Variants in ATP5F1B observed in about 807,000 individuals in gnomAD.
ATP5F1B encodes ATP synthase F(1) complex subunit beta, mitochondrial.
A neutral mutation model predicts 45.9 loss-of-function variants in ATP5F1B; 17 were observed. The observed-to-expected ratio is 0.37, with a 90% confidence interval of 0.25 to 0.56. ATP5F1B has a LOEUF of 0.56. ATP5F1B is among the 20% of genes least tolerant of loss of function. ATP5F1B has a pLI of 0.80. For synonymous variants in ATP5F1B, 218 were observed against 256.5 expected, an observed-to-expected ratio of 0.85 and a Z score of 1.43; for missense variants, 387 against 673.2, an observed-to-expected ratio of 0.57 and a Z score of 4.70.
At position 56,645,484 on chromosome 12, in the gene ATP5F1B, G is replaced by A. The variant is rs1951542569; in HGVS notation, c.128-131C>T. ...CTCTTTCCGCTTGTACGGAACGCGTGTCCAAGAGGGAAGGCCGCGCAGCGA... is the reference window on the plus strand; with the variant it reads ...CTCTTTCCGCTTGTACGGAACGCGTATCCAAGAGGGAAGGCCGCGCAGCGA... On this transcript the variant is annotated intron_variant, in intron 1 of 9. Transcript: ENST00000262030. 4 of 1,097,832 alleles carry A rather than the reference G, an allele frequency of 3.6e-6. No individual in the cohort carries two copies. In the South Asian group the frequency reaches 4.9e-5, roughly 13 times the overall value. The allele number at this position is 1,097,832 out of a possible 1,614,324, so 68.0% of individuals were successfully genotyped here.
chr12:56,642,600 T>C lies in ATP5F1B; in HGVS notation c.952-20A>G. 2 of 1,614,110 alleles carry C rather than the reference T, an allele frequency of 1.2e-6. No homozygotes were observed. Among genetic ancestry groups the C allele is most frequent in the Non-Finnish European group, 1.7e-6 (2 of 1,179,990 alleles). The stretch of plus-strand genomic sequence containing the variant: ...AGACACCTAAAAGAAAAAAAGGTCT[T>C]AGGTGTCTACATCCTTAGCCTCATC... On this transcript the variant is annotated intron_variant, in intron 6 of 9. Transcript: ENST00000262030.
chr12:56,638,956 G>T, intron 9 of ATP5F1B, 150 bp downstream of exon 9: 1 of 695,820 alleles, frequency 1.4e-6, no homozygotes, highest in Non-Finnish European at 2.3e-6. Flanking sequence ...CAAATTAAAT[G>T]TAGAGTATTT....
In ATP5F1B at chr12:56,645,873, G is replaced by C; in HGVS notation, c.91C>G (p.Leu31Val). 3.1e-6 allele frequency: 5 copies of C among 1,609,336 alleles called. No homozygotes were observed. Among genetic ancestry groups the C allele is most frequent in the Non-Finnish European group, 4.2e-6 (5 of 1,178,094 alleles). The stretch of plus-strand genomic sequence containing the variant: ...GCCGTCGGAGCGGCCCGCAGTAAGA[G>C]CTGAGCTGGGGGCAGCGACGCTGAA... ...TPSASLPPAQ[L>V]LLRAAPTAVH... The change falls in exon 1 of 10, where the codon CTC becomes GTC. Residue 31 changes from leucine to valine, a missense_variant. Physicochemically the swap from Leu to Val is conservative, Grantham distance 32. Transcript: ENST00000262030.
At chr12:56,640,924 C>T (rs946552919) in intron 7 of ATP5F1B, among the ~76,000 whole-genome samples, 2 of 150,894 alleles carry the variant, frequency 1.3e-5, no homozygotes, top group South Asian at 4.2e-4. Flanking sequence ...TGATGCATGC[C>T]TGTAATCCCA....
intron 7 of ATP5F1B, among the ~76,000 whole-genome samples, chr12:56,642,042 GCTGGAGTGCAGTGCCCCAAT>G (rs1320627950): frequency 2.0e-5 from 3 of 151,636 alleles, no homozygotes; most frequent in Non-Finnish European, 2.9e-5. Flanking sequence ...TGTCACCCAG[GCTGGAGTGCAGTGCCCCAAT>G]CTTGGCTCAT....
chr12:56,641,959 T>C (rs899212692), intron 7 of ATP5F1B, among the ~76,000 whole-genome samples: 1 of 152,098 alleles, frequency 6.6e-6, no homozygotes, highest in African/African-American at 2.4e-5. Context: ...CTAGAAACCA[T>C]TGCTTTGTGA....
rs1351237602 is a variant in ATP5F1B at position 56,642,550 on chromosome 12, C to T, written c.982G>A (p.Ala328Thr). ...VSALLGRIPS[A>T]VGYQPTLATD... is the part of the protein sequence containing the mutation. ...GCCAGGGTAGGCTGATAGCCCACAG[C>T]AGAAGGGATTCGGCCCAATAATGCA... The change falls in exon 7 of 10, where the codon GCT (alanine) becomes ACT (threonine). Residue 328 changes from alanine to threonine, a missense_variant. Transcript: ENST00000262030. The T allele has an allele frequency of 6.2e-7, 1 of 1,614,108 alleles. No individual in the cohort carries two copies. The highest frequency in any genetic ancestry group is 8.5e-7 in the Non-Finnish European group (1 of 1,180,020).
chr12:56,642,428 T>C lies in ATP5F1B; in HGVS notation c.1074+30A>G, dbSNP rs769905198. ...CCACTGCACCCTGCCTTTATACAAA[T>C]CAGATCTTCATCTATGTAATTTTTC... On this transcript the variant is annotated intron_variant, in intron 7 of 9. Transcript: ENST00000262030. 3.1e-6 allele frequency: 5 copies of C among 1,612,398 alleles called. No homozygotes were observed. The South Asian group carries it at 5.5e-5, about 18-fold the overall frequency.
Position 56,639,270 on chromosome 12 carries a change from C to T in ATP5F1B, c.1325G>A (p.Gly442Asp). ...KSLQDIIAIL[G>D]MDELSEEDKL... ...GTCTTCCTCAGAAAGTTCATCCATA[C>T]CCAGGATGGCAATGATATCCTGGAG... The change falls in exon 9 of 10, where the codon GGT becomes GAT. Residue 442 changes from glycine to aspartate, a missense_variant. Gly to Asp is a moderately conservative substitution (Grantham distance 94). Transcript: ENST00000262030. 6.2e-7 allele frequency: 1 copy of T among 1,613,924 alleles called. No homozygotes were observed. The highest frequency in any genetic ancestry group is 8.5e-7 in the Non-Finnish European group (1 of 1,180,018).
rs1951487131 is a variant in ATP5F1B at position 56,638,375 on chromosome 12, A to G, written c.1538T>C (p.Ile513Thr). 2 of 1,614,044 alleles carry G rather than the reference A, an allele frequency of 1.2e-6. No individual in the cohort carries two copies. Among genetic ancestry groups the G allele is most frequent in the African/African-American group, 1.3e-5 (1 of 75,010 alleles). The change falls in exon 10 of 10, where the codon ATT becomes ACT. Residue 513 changes from isoleucine to threonine, a missense_variant. Physicochemically the swap from Ile to Thr is moderately conservative, Grantham distance 89. Transcript: ENST00000262030. ...PEQAFYMVGPIEEAVAKADKL... is the reference protein window; with the variant it reads ...PEQAFYMVGPTEEAVAKADKL... ...ATCAGCTTTTGCCACAGCTTCTTCA[A>G]TGGGTCCCACCATATAGAAGGCCTG... is the stretch of plus-strand genomic sequence containing the variant.
intron 1 of ATP5F1B, 127 bp from the exon 2 acceptor site, chr12:56,645,480 G>T: frequency 8.8e-7 from 1 of 1,138,150 alleles, no homozygotes; most frequent in Non-Finnish European, 1.2e-6. Flanking sequence ...TGTACGGAAC[G>T]CGTGTCCAAG....
At chr12:56,641,298 G>A (rs538847392) in intron 7 of ATP5F1B, among the ~76,000 whole-genome samples, 1 of 150,622 alleles carries the variant, frequency 6.6e-6, no homozygotes, top group South Asian at 2.1e-4. Context: ...CCAGGAGGAG[G>A]TTGCAGTGAG....
Position 56,642,499 on chromosome 12 carries a change from T to C in ATP5F1B, c.1033A>G (p.Arg345Gly). Residue 345 changes from arginine (R) to glycine (G), a missense_variant, in exon 7 of 10, where the codon AGA becomes GGA. By Grantham distance (125) the Arg-to-Gly change is moderately radical (BLOSUM62 -2). Coordinates refer to ENST00000262030, the MANE Select transcript of ATP5F1B (RefSeq NM_001686.4). Reference sequence around the variant, plus strand: ...GATCCCTTCTTGGTAGTGGTAATTCTTTCCTGCATAGTACCCATGTCAGTG... The same window carrying C: ...GATCCCTTCTTGGTAGTGGTAATTCCTTCCTGCATAGTACCCATGTCAGTG... The part of the protein sequence containing the change: ...LATDMGTMQE[R>G]ITTTKKGSIT... 6.2e-7 allele frequency: 1 copy of C among 1,614,132 alleles called. No individual in the cohort carries two copies. The highest frequency in any genetic ancestry group is 8.5e-7 in the Non-Finnish European group (1 of 1,180,036).
At chr12:56,645,798 G>C (rs781598261) in intron 1 of ATP5F1B, 39 bp downstream of exon 1, 23 of 1,597,430 alleles carry the variant, frequency 1.4e-5, no homozygotes. Context: ...GTCATGGGGC[G>C]GCAAAATGGA....
intron 5 of ATP5F1B, 81 bp from the exon 6 acceptor site, chr12:56,642,912 G>A (rs180693950): frequency 9.4e-6 from 14 of 1,483,206 alleles, no homozygotes; most frequent in Admixed American, 7.7e-5. Context: ...TCGGAGAAAC[G>A]ACCACAGATC....
intron 7 of ATP5F1B, 139 bp downstream of exon 7, chr12:56,642,319 A>G: frequency 2.4e-6 from 3 of 1,243,568 alleles, no homozygotes; most frequent in Non-Finnish European, 3.3e-6. Context: ...ACATCTCTCT[A>G]CATACATACA....
Position 56,645,913 on chromosome 12 carries a change from C to T in ATP5F1B, c.51G>A (p.Leu17=), listed in dbSNP as rs1227074004. The T allele has an allele frequency of 1.2e-6, 2 of 1,607,866 alleles. No homozygotes were observed. Among genetic ancestry groups the T allele is most frequent in the Non-Finnish European group, 1.7e-6 (2 of 1,177,658 alleles). Residue 17 remains leucine (L), a synonymous_variant, in exon 1 of 10, where the codon TTG becomes TTA. Transcript: ENST00000262030. ...RVAAAPASGA[L]RRLTPSASLP... Reference sequence around the variant, plus strand: ...GCGACGCTGAAGGGGTGAGTCTCCGCAAGGCCCCGGAGGCCGGAGCAGCGG... The same window carrying T: ...GCGACGCTGAAGGGGTGAGTCTCCGTAAGGCCCCGGAGGCCGGAGCAGCGG...
chr12:56,644,076 T>C (rs1375719772), intron 3 of ATP5F1B, 118 bp from the exon 4 acceptor site: 6 of 1,149,670 alleles, frequency 5.2e-6, no homozygotes, highest in Non-Finnish European at 7.2e-6. Flanking sequence ...ACCACAGTCT[T>C]ACCTCCCCTT....
At position 56,640,116 on chromosome 12, in the gene ATP5F1B, AC is replaced by A; in HGVS notation, c.1150del (p.Val384TyrfsTer18). 6.2e-7 allele frequency: 1 copy of A among 1,614,162 alleles called. No homozygotes were observed. The highest frequency in any genetic ancestry group is 8.5e-7 in the Non-Finnish European group (1 of 1,180,016). ...TTFAHLDATTVLSRAIAELGI... is the reference protein window; with the variant it reads ...TTFAHLDATTXLSRAIAELGI... ...CAGCTCAGCAATGGCACGCGACAGT[AC>A]AGTGGTAGCATCCAAATGGGCAAAC... On this transcript the variant is annotated frameshift_variant, in exon 8 of 10. Transcript: ENST00000262030. LOFTEE classifies it high-confidence loss of function.
Sources: allele counts gnomAD v4.1 joint callset (sites outside exome capture counted in the v4.1 genomes callset), GRCh38; gene constraint gnomAD v4.1.1; transcripts MANE v1.5; gene names NCBI Gene and HGNC (gene_info 2026-07-23, HGNC 2026-07-21).